Variants in EYS observed in about 807,000 individuals in gnomAD.
EYS encodes the protein protein eyes shut homolog.
Under a neutral mutation model 282.1 loss-of-function variants are expected in EYS, and 250 were observed. The observed-to-expected ratio is 0.89, with a 90% CI of 0.80 to 0.98. EYS has a LOEUF of 0.98. Ranked by LOEUF, EYS falls within the 50% of genes least tolerant of loss-of-function variation. The pLI is 0.00. For synonymous variants in EYS, 1,355 were observed against 1,282.9 expected, an observed-to-expected ratio of 1.06 and a Z score of -1.20; for missense variants, 4,016 against 3,709.0, an observed-to-expected ratio of 1.08 and a Z score of -2.15.
chr6:63,944,485 A>C (rs1353099032), intron 35 of EYS, among the ~76,000 whole-genome samples: 7 of 152,222 alleles, frequency 4.6e-5, no homozygotes, highest in Non-Finnish European at 2.9e-5. Context: ...TTGTATTTTC[A>C]TGTACAACAT....
intron 26 of EYS, among the ~76,000 whole-genome samples, chr6:64,563,321 A>AT (rs1445659625): frequency 6.6e-6 from 1 of 151,596 alleles, no homozygotes; most frequent in Non-Finnish European, 1.5e-5. Flanking sequence ...CGTTCTTTTT[A>AT]TTTTTTCTTT....
At chr6:64,652,382 A>C (rs145875108) in intron 22 of EYS, among the ~76,000 whole-genome samples, 1 of 152,312 alleles carries the variant, frequency 6.6e-6, no homozygotes, top group East Asian at 1.9e-4. Context: ...AATAATTTGC[A>C]TTGTGAACAA....
At chr6:63,779,035 C>G (rs969482877) in intron 39 of EYS, 42 of 149,836 alleles carry the variant, frequency 2.8e-4, no homozygotes, top group African/African-American at 1.0e-3. Context: ...TAAACTTTCT[C>G]CAGTTTAATA....
intron 31 of EYS, among the ~76,000 whole-genome samples, chr6:64,093,505 T>A (rs1271948040): frequency 6.6e-6 from 1 of 152,176 alleles, no homozygotes; most frequent in East Asian, 1.9e-4. Context: ...TATTTTAGTC[T>A]CTTTGAAGCA....
At chr6:64,976,500 C>A (rs940091175) in intron 14 of EYS, among the ~76,000 whole-genome samples, 1 of 151,862 alleles carries the variant, frequency 6.6e-6, no homozygotes, top group Admixed American at 6.6e-5. Context: ...CTTCCTAAAT[C>A]ATAGGTGGCC....
At chr6:63,859,115 A>T (rs1772472527) in intron 36 of EYS, among the ~76,000 whole-genome samples, 2 of 79,124 alleles carry the variant, frequency 2.5e-5, no homozygotes, top group East Asian at 4.3e-4. Context: ...TTTTTTTAAT[A>T]GCTGGGATGG....
At chr6:64,949,468 C>T (rs1364702530) in intron 14 of EYS, among the ~76,000 whole-genome samples, 5 of 151,912 alleles carry the variant, frequency 3.3e-5, no homozygotes, top group Non-Finnish European at 7.4e-5. Flanking sequence ...GCCTCCTCCT[C>T]TCACAGCATG....
chr6:65,494,863 C>A lies in EYS; in HGVS notation c.548G>T (p.Cys183Phe), dbSNP rs1766186534. The A allele has an allele frequency of 1.9e-6, 3 of 1,614,026 alleles. No homozygotes were observed. The highest frequency in any genetic ancestry group is 2.5e-6 in the Non-Finnish European group (3 of 1,179,938). ...ACTAAGACATTTACCATGACCAGAG[C>A]AAAATTCTGAACTCAGAGATTCCTG... ...FCQESLSSEF[C>F]SGHGKCLSEA... is the part of the protein sequence containing the mutation. The change falls in exon 4 of 43, where the codon TGC becomes TTC. Residue 183 changes from cysteine (C) to phenylalanine (F), a missense_variant. Cys to Phe is a radical substitution (Grantham distance 205, BLOSUM62 -2). Transcript: ENST00000503581.
intron 5 of EYS, among the ~76,000 whole-genome samples, chr6:65,483,028 T>C (rs772564694): frequency 1.9e-4 from 29 of 152,320 alleles, no homozygotes; most frequent in Non-Finnish European, 4.0e-4. Flanking sequence ...ATAAATCTTA[T>C]AGTTATAAAA....
chr6:64,541,826 T>C (rs1764702216), intron 26 of EYS, among the ~76,000 whole-genome samples: 1 of 152,196 alleles, frequency 6.6e-6, no homozygotes, highest in African/African-American at 2.4e-5. Flanking sequence ...AAGATGGTAA[T>C]ACAATGGAAG....
chr6:65,141,399 G>A (rs972987280), intron 12 of EYS, among the ~76,000 whole-genome samples: 10 of 151,910 alleles, frequency 6.6e-5, no homozygotes, highest in African/African-American at 2.4e-4. Context: ...GCTAAATGAC[G>A]AGTTAATGGG....
At chr6:65,268,765 G>C (rs1767823409) in intron 12 of EYS, among the ~76,000 whole-genome samples, 1 of 151,334 alleles carries the variant, frequency 6.6e-6, no homozygotes, top group African/African-American at 2.4e-5. Context: ...AAACGCAAGA[G>C]GAATTGTTTT....
chr6:64,850,876 C>T (rs1235023483), intron 19 of EYS, among the ~76,000 whole-genome samples: 1 of 151,886 alleles, frequency 6.6e-6, no homozygotes, highest in African/African-American at 2.4e-5. Flanking sequence ...TAGATGACAA[C>T]CAACATAATT....
chr6:64,004,706 G>A (rs1354280284), intron 33 of EYS, among the ~76,000 whole-genome samples: 2 of 152,106 alleles, frequency 1.3e-5, no homozygotes, highest in African/African-American at 4.8e-5. Flanking sequence ...TTGTAAACGA[G>A]ATTGTGTGGT....
At chr6:63,756,556 A>G (rs554196079) in intron 41 of EYS, among the ~76,000 whole-genome samples, 2 of 152,222 alleles carry the variant, frequency 1.3e-5, no homozygotes, top group South Asian at 4.1e-4. Context: ...TTTTGTATCA[A>G]TGTTCATCAG....
chr6:65,389,281 T>C (rs907085888), intron 7 of EYS, among the ~76,000 whole-genome samples: 1 of 152,176 alleles, frequency 6.6e-6, no homozygotes, highest in African/African-American at 2.4e-5. Context: ...GTTTCTCTTC[T>C]AACTTCATTT....
intron 26 of EYS, among the ~76,000 whole-genome samples, chr6:64,460,194 T>G (rs914960099): frequency 1.3e-5 from 2 of 152,202 alleles, no homozygotes; most frequent in African/African-American, 4.8e-5. Flanking sequence ...ATGGGCATAA[T>G]TATAATACAC....
At chr6:64,945,164 C>T (rs371793136) in intron 15 of EYS, among the ~76,000 whole-genome samples, 19 of 148,106 alleles carry the variant, frequency 1.3e-4, no homozygotes, top group South Asian at 4.3e-4. Flanking sequence ...AAAATAGTCA[C>T]GATCTATGCA....
chr6:64,856,367 C>CTCAGT (rs2150045388), intron 19 of EYS, among the ~76,000 whole-genome samples: 2 of 152,252 alleles, frequency 1.3e-5, no homozygotes, highest in Non-Finnish European at 2.9e-5. Flanking sequence ...GTGGCACAAT[C>CTCAGT]TCAGTTCACT....
Sources: gnomAD v4.1 joint callset for allele counts (sites outside exome capture counted in the v4.1 genomes callset) on GRCh38, gnomAD v4.1.1 for gene constraint, MANE v1.5 for transcripts, NCBI Gene and HGNC (gene_info 2026-07-23, HGNC 2026-07-21) for gene names.